MBTPS2: variants seen among roughly 807,000 people sequenced by gnomAD.
MBTPS2 encodes the protein membrane bound transcription factor peptidase, site 2.
Under a neutral mutation model 35.4 loss-of-function variants are expected in MBTPS2, and 2 were observed. The ratio of observed to expected loss-of-function variants is 0.06; its 90% CI spans 0.02 to 0.18. The LOEUF is 0.18. MBTPS2 is among the 10% of genes least tolerant of loss of function. The pLI, the probability that MBTPS2 is intolerant of heterozygous loss-of-function variation, is 1.00. For missense variants in MBTPS2, 244 were observed against 386.5 expected (o/e 0.63, Z 3.09); for synonymous variants, 125 against 140.4 (o/e 0.89, Z 0.77).
At chrX:21,871,396 C>CG (rs1306327068) in intron 7 of MBTPS2, 1 of 111,782 alleles carries the variant, frequency 8.9e-6, no homozygotes, top group African/African-American at 3.2e-5. Flanking sequence ...CCACATGTAT[C>CG]TTTCTGCCAG....
chrX:21,868,733 C>T (rs1303478405), intron 6 of MBTPS2, 148 bp downstream of exon 6: 1 of 511,070 alleles, frequency 2.0e-6, no homozygotes, highest in African/African-American at 2.3e-5. Context: ...TCAAATCTAA[C>T]AAATAATGTT....
At chrX:21,863,392 C>T (rs1269704615) in intron 5 of MBTPS2, among the ~76,000 whole-genome samples, 4 of 110,154 alleles carry the variant, frequency 3.6e-5, no homozygotes, top group Non-Finnish European at 5.7e-5. Flanking sequence ...CATGTATACT[C>T]ATATACATGC....
intron 7 of MBTPS2, chrX:21,872,213 T>C (rs915163083): frequency 8.9e-5 from 10 of 112,188 alleles, no homozygotes; most frequent in African/African-American, 3.2e-4. Flanking sequence ...TGATGTAATG[T>C]GTATTGAATT....
chrX:21,842,597 C>G (rs189104206), intron 1 of MBTPS2, among the ~76,000 whole-genome samples: 8 of 111,157 alleles, frequency 7.2e-5, no homozygotes, highest in Non-Finnish European at 1.1e-4. Flanking sequence ...AATGCCCCCC[C>G]CAAAAGTAAA....
At chrX:21,868,285 T>G (rs1380356814) in intron 5 of MBTPS2, among the ~76,000 whole-genome samples, 182 bp from the exon 6 acceptor site, 1 of 111,945 alleles carries the variant, frequency 8.9e-6, no homozygotes, top group African/African-American at 3.3e-5. Context: ...TTTCAATATC[T>G]AAAATGAAAG....
chrX:21,866,921 C>T (rs1359501244), intron 5 of MBTPS2, among the ~76,000 whole-genome samples: 2 of 107,254 alleles, frequency 1.9e-5, no homozygotes, highest in East Asian at 2.9e-4. Context: ...CCCAGCTACT[C>T]GGGAGGCTGA....
At chrX:21,855,596 T>A (rs945717192) in intron 5 of MBTPS2, among the ~76,000 whole-genome samples, 1 of 110,187 alleles carries the variant, frequency 9.1e-6, no homozygotes, top group Non-Finnish European at 1.9e-5. Flanking sequence ...CACGCCCAGC[T>A]AATTTTTGTA....
Position 21,856,952 on chromosome X carries a change from C to T in MBTPS2, c.670+3449C>T, listed in dbSNP as rs773806383. 8 of 1,212,029 alleles carry T rather than the reference C, an allele frequency of 6.6e-6. No individual in the cohort carries two copies. In the South Asian group the frequency reaches 1.1e-4, roughly 16 times the overall value. On this transcript the variant is annotated intron_variant, in intron 5 of 10. Transcript: ENST00000379484. ...AGAGTGCCACCAGCACTGAGGCCAA[C>T]CCGGCAGGCAGCAGCTCCAGCCTGG...
chrX:21,884,223 C>A lies in MBTPS2; in HGVS notation c.*1568C>A, dbSNP rs757567011. ...AGTTAATACCAGTACTAAAACCATA[C>A]GAATTATTGGTTTATTCCAGAAAAT... On this transcript the variant is annotated 3_prime_UTR_variant, in exon 11 of 11. Transcript: ENST00000379484. 1 of 704,976 alleles carries A rather than the reference C, an allele frequency of 1.4e-6. No individual in the cohort carries two copies. Among genetic ancestry groups the A allele is most frequent in the Non-Finnish European group, 1.7e-6 (1 of 595,523 alleles). The allele number at this position is 704,976 out of a possible 1,213,427, so 58.1% of individuals were successfully genotyped here. A position where few individuals can be genotyped will look rare whatever the true frequency, so the allele number is the denominator to read the frequency against.
rs986327224 is a variant in MBTPS2, at chrX:21,841,719, A to T, written c.76-1451A>T. ...TACAGTCCCTAGTCACAAGTGTGTG[A>T]GGTGACCAAGATGTCACTGGTTTCA... On this transcript the variant is annotated intron_variant, in intron 1 of 10. Transcript: ENST00000379484. 3 of 112,406 alleles carry T rather than the reference A, an allele frequency of 2.7e-5. No homozygotes were observed. The Admixed American group carries it at 2.8e-4, about 11-fold the overall frequency. The allele number at this position is 112,406 out of a possible 1,213,427, so 9.3% of individuals were successfully genotyped here. A position where few individuals can be genotyped will look rare whatever the true frequency, so the allele number is the denominator to read the frequency against.
Position 21,867,851 on chromosome X carries a change from A to G in MBTPS2, c.671-616A>G, listed in dbSNP as rs750154223. 1.3e-3 allele frequency among the ~76,000 whole-genome samples: 140 copies of G among 110,675 alleles called. 1 individual carries two copies. Among genetic ancestry groups the G allele is most frequent in the Non-Finnish European group, 1.7e-3 (92 of 52,835 alleles). On this transcript the variant is annotated intron_variant, in intron 5 of 10. Transcript: ENST00000379484. The stretch of plus-strand genomic sequence containing the variant: ...AGACAGGGTTTCACCATGTTGGCCA[A>G]GCTGGTGTTGATCTCCTGACCTCGT...
At chrX:21,861,878 T>G (rs1420208700) in intron 5 of MBTPS2, among the ~76,000 whole-genome samples, 1 of 112,298 alleles carries the variant, frequency 8.9e-6, no homozygotes, top group Non-Finnish European at 1.9e-5. Context: ...CTTTAAAAAT[T>G]TTAAAAGGAA....
chrX:21,857,444 A>C, intron 5 of MBTPS2: 1 of 1,211,915 alleles, frequency 8.3e-7, no homozygotes, highest in Non-Finnish European at 1.1e-6. Context: ...GCTGCGGGAA[A>C]CGCTTTTCCC....
At chrX:21,854,483 A>T (rs1433782148) in intron 5 of MBTPS2, among the ~76,000 whole-genome samples, 1 of 112,487 alleles carries the variant, frequency 8.9e-6, no homozygotes, top group African/African-American at 3.2e-5. Context: ...TTACTCAAAA[A>T]TAATGAAAGT....
At chrX:21,850,678 G>T (rs935567893) in intron 3 of MBTPS2, among the ~76,000 whole-genome samples, 9 of 110,860 alleles carry the variant, frequency 8.1e-5, no homozygotes, top group African/African-American at 3.0e-4. Context: ...TATCTTACGA[G>T]AATATATCTT....
intron 7 of MBTPS2, 35 bp downstream of exon 7, chrX:21,869,713 A>C (rs1032149537): frequency 9.8e-7 from 1 of 1,025,227 alleles, no homozygotes; most frequent in Non-Finnish European, 1.4e-6. Context: ...ATAATGCTTC[A>C]AGCACCAGTA....
At position 21,851,602 on chromosome X, in the gene MBTPS2, G is replaced by T; in HGVS notation, c.532G>T (p.Ala178Ser). ...GVVHEIGHGI[A>S]AIREQVRFNG... ...TGTACATGAAATTGGACATGGGATA[G>T]CAGCTATTAGGTAATGATATTTACC... The change falls in exon 4 of 11, where the codon GCA becomes TCA. Residue 178 changes from alanine (A) to serine (S), a missense_variant. Transcript: ENST00000379484. The T allele has an allele frequency of 8.6e-7, 1 of 1,163,213 alleles. No homozygotes were observed. Among genetic ancestry groups the T allele is most frequent in the Non-Finnish European group, 1.2e-6 (1 of 851,496 alleles).
intron 5 of MBTPS2, among the ~76,000 whole-genome samples, chrX:21,862,899 AACAT>A (rs1165102032): frequency 4.4e-5 from 3 of 68,729 alleles, no homozygotes; most frequent in Non-Finnish European, 7.9e-5. Context: ...CATATATATA[AACAT>A]ATATAAATAT....
At chrX:21,855,567 G>A (rs2147436003) in intron 5 of MBTPS2, among the ~76,000 whole-genome samples, 1 of 110,201 alleles carries the variant, frequency 9.1e-6, no homozygotes, top group Admixed American at 9.7e-5. Flanking sequence ...GAGTAGCTAG[G>A]ATTACAGGCA....
Sources: allele counts gnomAD v4.1 joint callset (sites outside exome capture counted in the v4.1 genomes callset), GRCh38; gene constraint gnomAD v4.1.1; transcripts MANE v1.5; gene names NCBI Gene and HGNC (gene_info 2026-07-23, HGNC 2026-07-21).